SOX5: variants seen among roughly 807,000 people sequenced by gnomAD.
SOX5 encodes transcription factor SOX-5.
SOX5 carries 9 observed loss-of-function variants against 92.0 expected under a neutral mutation model. The observed-to-expected ratio is 0.10, with a 90% CI of 0.06 to 0.17. SOX5 has a LOEUF of 0.17. SOX5 is among the 10% of genes least tolerant of loss of function. SOX5 has a pLI of 1.00. For missense variants in SOX5, 642 were observed against 944.5 expected (o/e 0.68, Z 4.20); for synonymous variants, 344 against 336.3 (o/e 1.02, Z -0.25).
chr12:24,071,047 G>C (rs2137435453), intron 4 of SOX5, among the ~76,000 whole-genome samples: 1 of 152,252 alleles, frequency 6.6e-6, no homozygotes, highest in East Asian at 1.9e-4. Context: ...ACTTAGTCCT[G>C]AATACAATAG....
intron 4 of SOX5, among the ~76,000 whole-genome samples, chr12:24,093,303 C>T (rs1044670590): frequency 1.3e-5 from 2 of 151,966 alleles, no homozygotes; most frequent in African/African-American, 2.4e-5. Flanking sequence ...GGGCAGATCA[C>T]GAGGTCCGGA....
chr12:24,197,063 A>T (rs1957073780), intron 4 of SOX5, among the ~76,000 whole-genome samples: 1 of 152,178 alleles, frequency 6.6e-6, no homozygotes, highest in South Asian at 2.1e-4. Flanking sequence ...AAAATGTACA[A>T]CTCAGAATGG....
chr12:24,084,958 G>A (rs966440648), intron 4 of SOX5, among the ~76,000 whole-genome samples: 4 of 151,990 alleles, frequency 2.6e-5, no homozygotes, highest in Non-Finnish European at 5.9e-5. Context: ...TTGGCTATCT[G>A]CCTTTTTCAC....
At chr12:24,353,270 A>G (rs1475707057) in intron 2 of SOX5, among the ~76,000 whole-genome samples, 1 of 152,168 alleles carries the variant, frequency 6.6e-6, no homozygotes, top group Non-Finnish European at 1.5e-5. Context: ...TGTACCCTCT[A>G]TGGAGCAACC....
intron 1 of SOX5, among the ~76,000 whole-genome samples, chr12:24,449,217 C>A (rs1323630455): frequency 1.3e-5 from 2 of 152,158 alleles, no homozygotes; most frequent in East Asian, 3.8e-4. Context: ...CAACAGCTCA[C>A]CAGCACACTT....
chr12:24,554,574 C>T (rs1953572249), intron 1 of SOX5, among the ~76,000 whole-genome samples: 1 of 152,088 alleles, frequency 6.6e-6, no homozygotes, highest in African/African-American at 2.4e-5. Context: ...CCTTGGATTC[C>T]AAAGTTGTCC....
intron 2 of SOX5, among the ~76,000 whole-genome samples, chr12:23,881,943 G>A (rs1406431013): frequency 6.6e-6 from 1 of 152,170 alleles, no homozygotes; most frequent in African/African-American, 2.4e-5. Flanking sequence ...CATAAGTGAA[G>A]AGGGAAGAAT....
intron 9 of SOX5, among the ~76,000 whole-genome samples, chr12:23,583,030 C>A (rs1314483416): frequency 1.3e-5 from 2 of 152,002 alleles, no homozygotes; most frequent in Non-Finnish European, 2.9e-5. Context: ...CGCAAGCACA[C>A]ACATATATTT....
intron 1 of SOX5, among the ~76,000 whole-genome samples, chr12:23,909,842 T>TC (rs397749015): frequency 6.6e-6 from 1 of 151,426 alleles, no homozygotes; most frequent in Non-Finnish European, 1.5e-5. Flanking sequence ...ACATTTTTTT[T>TC]CCACTACCCA....
In SOX5 at chr12:23,533,482, A is replaced by ACACTT. The variant is rs1939524751; in HGVS notation, c.*732_*736dup. 5.2e-6 allele frequency: 1 copy of ACACTT among 190,830 alleles called. No individual in the cohort carries two copies. Among genetic ancestry groups the ACACTT allele is most frequent in the Admixed American group, 5.6e-5 (1 of 18,018 alleles). The allele number at this position is 190,830 out of a possible 1,614,324, so 11.8% of individuals were successfully genotyped here. On this transcript the variant is annotated 3_prime_UTR_variant, in exon 15 of 15. Coordinates refer to ENST00000451604, the MANE Select transcript of SOX5 (RefSeq NM_006940.6). ...TAAAGAGAAAAAATGAACTTGGTCA[A>ACACTT]CACTTCAGTACAAATTTGGCACTTG...
intron 1 of SOX5, among the ~76,000 whole-genome samples, chr12:24,402,227 T>C (rs958110735): frequency 6.6e-6 from 1 of 152,200 alleles, no homozygotes; most frequent in Non-Finnish European, 1.5e-5. Flanking sequence ...ACAATTTACC[T>C]GGAAAGCAAT....
intron 4 of SOX5, among the ~76,000 whole-genome samples, chr12:24,205,675 G>A (rs985542995): frequency 6.6e-6 from 1 of 152,132 alleles, no homozygotes; most frequent in African/African-American, 2.4e-5. Flanking sequence ...TTAATTTAAG[G>A]ATTTCATGCT....
intron 4 of SOX5, among the ~76,000 whole-genome samples, chr12:24,175,610 A>G (rs1189256483): frequency 2.0e-5 from 3 of 152,224 alleles, no homozygotes; most frequent in Non-Finnish European, 2.9e-5. Flanking sequence ...TATGTCATAT[A>G]TATTTTATTT....
chr12:23,536,769 C>T (rs1419603058), intron 13 of SOX5, 100 bp from the exon 14 acceptor site: 5 of 904,552 alleles, frequency 5.5e-6, no homozygotes, highest in Non-Finnish European at 9.0e-6. Flanking sequence ...GAGATGTTAG[C>T]CAAAACCCAG....
chr12:24,420,728 A>G (rs1015360088), intron 1 of SOX5, among the ~76,000 whole-genome samples: 1 of 152,204 alleles, frequency 6.6e-6, no homozygotes, highest in East Asian at 1.9e-4. Context: ...GGTTATTTCT[A>G]CTTTGCAACC....
chr12:24,272,797 C>G (rs1943932034), intron 3 of SOX5, among the ~76,000 whole-genome samples: 1 of 151,888 alleles, frequency 6.6e-6, no homozygotes, highest in African/African-American at 2.4e-5. Flanking sequence ...AGGATATTTC[C>G]ACTTATAATC....
chr12:24,289,221 C>T (rs1946294906), intron 2 of SOX5, among the ~76,000 whole-genome samples: 1 of 151,414 alleles, frequency 6.6e-6, no homozygotes, highest in East Asian at 2.0e-4. Flanking sequence ...GAGGAGGCTG[C>T]AGTGAGCCGT....
intron 4 of SOX5, among the ~76,000 whole-genome samples, chr12:24,065,293 T>C (rs1181937738): frequency 6.6e-6 from 1 of 152,110 alleles, no homozygotes; most frequent in Non-Finnish European, 1.5e-5. Context: ...GAGAGGCACA[T>C]GGAGCTGGAT....
chr12:24,054,778 G>A (rs1957930004), intron 4 of SOX5, among the ~76,000 whole-genome samples: 1 of 152,164 alleles, frequency 6.6e-6, no homozygotes, highest in African/African-American at 2.4e-5. Flanking sequence ...ATGTCACTTC[G>A]TCTTAAGACG....
Sources: allele counts gnomAD v4.1 joint callset (sites outside exome capture counted in the v4.1 genomes callset), GRCh38; gene constraint gnomAD v4.1.1; transcripts MANE v1.5; gene names NCBI Gene and HGNC (gene_info 2026-07-23, HGNC 2026-07-21).